The following ADAM22 variants were observed in gnomAD, a reference collection of about 807,000 sequenced individuals.
ADAM22 encodes ADAM metallopeptidase domain 22.
ADAM22 carries 65 observed loss-of-function variants against 144.6 expected under a neutral mutation model. That is an observed-to-expected ratio of 0.45 (90% CI 0.37 to 0.55). The LOEUF (loss-of-function observed/expected upper bound fraction) is 0.55. Ranked by LOEUF, ADAM22 falls within the 20% of genes least tolerant of loss-of-function variation. ADAM22 has a pLI of 0.00. For missense variants in ADAM22, 974 were observed against 1,184.9 expected (o/e 0.82, Z 2.61); for synonymous variants, 391 against 412.6 (o/e 0.95, Z 0.63).
chr7:88,125,548 G>A, intron 7 of ADAM22, 41 bp from the exon 8 acceptor site: 1 of 1,471,870 alleles, frequency 6.8e-7, no homozygotes, highest in Non-Finnish European at 9.4e-7. Flanking sequence ...GAAGAAATCT[G>A]ACAAATGCAC....
intron 4 of ADAM22, among the ~76,000 whole-genome samples, chr7:88,092,307 C>G (rs1033109628): frequency 1.3e-5 from 2 of 152,154 alleles, no homozygotes; most frequent in Non-Finnish European, 2.9e-5. Flanking sequence ...ACCCTCCGTT[C>G]CACAACATAC....
chr7:87,987,802 T>C (rs560443340), intron 3 of ADAM22, among the ~76,000 whole-genome samples: 1 of 152,336 alleles, frequency 6.6e-6, no homozygotes, highest in Non-Finnish European at 1.5e-5. Flanking sequence ...CTCTGAAATA[T>C]TTATCTCAGT....
At chr7:88,156,058 T>C (rs1015975455) in intron 22 of ADAM22, 52 bp downstream of exon 22, 2 of 1,601,910 alleles carry the variant, frequency 1.2e-6, no homozygotes, top group African/African-American at 1.3e-5. Flanking sequence ...TTCTCAGGAA[T>C]GCAGTTTAGG....
intron 2 of ADAM22, among the ~76,000 whole-genome samples, chr7:87,938,698 G>A (rs892460788): frequency 3.3e-5 from 5 of 151,996 alleles, no homozygotes; most frequent in African/African-American, 1.2e-4. Flanking sequence ...CAGGCTGGAT[G>A]GAGTGCAGCG....
At chr7:88,050,232 A>C (rs1383495843) in intron 3 of ADAM22, among the ~76,000 whole-genome samples, 2 of 150,360 alleles carry the variant, frequency 1.3e-5, no homozygotes, top group African/African-American at 4.9e-5. Context: ...AAAAAAAAAA[A>C]AAAAAAAAAA....
intron 4 of ADAM22, among the ~76,000 whole-genome samples, chr7:88,080,034 C>G (rs1474197311): frequency 6.6e-6 from 1 of 152,198 alleles, no homozygotes; most frequent in Non-Finnish European, 1.5e-5. Flanking sequence ...CTCAAATCAA[C>G]AGAATATACA....
At chr7:88,071,487 TA>T (rs1372582468) in intron 3 of ADAM22, among the ~76,000 whole-genome samples, 3 of 150,996 alleles carry the variant, frequency 2.0e-5, no homozygotes, top group African/African-American at 7.3e-5. Context: ...ACACAATTAG[TA>T]AATGGCAGAG....
chr7:88,034,720 T>C lies in ADAM22; in HGVS notation c.324-40906T>C, dbSNP rs150855747. On this transcript the variant is annotated intron_variant, in intron 3 of 31. Transcript: ENST00000413139. Reference sequence around the variant, plus strand: ...CAAACTCAAGTTCTGACCACTAGGATGGTCGATTCCCCTTTGGCTAGGGCT... The same window carrying C: ...CAAACTCAAGTTCTGACCACTAGGACGGTCGATTCCCCTTTGGCTAGGGCT... Among the ~76,000 whole-genome samples the C allele has an allele frequency of 9.2e-4, 140 of 152,292 alleles. 2 individuals are homozygous for C. Among genetic ancestry groups the C allele is most frequent in the African/African-American group, 3.3e-3 (137 of 41,570 alleles).
rs1482304396 is a variant in ADAM22, at chr7:88,165,915, T to C, written c.2160T>C (p.Asp720=). The change falls in exon 24 of 32, where the codon GAT becomes GAC. Residue 720 remains aspartate (D), a synonymous_variant. Coordinates refer to ENST00000413139, the MANE Select transcript of ADAM22 (RefSeq NM_001324418.2). Reference sequence around the variant, plus strand: ...ACACTTACTTCCCTCACAATGATGATGCAAAGACTGGTATCACTCTGTCTG... The same window carrying C: ...ACACTTACTTCCCTCACAATGATGACGCAAAGACTGGTATCACTCTGTCTG... ...DCNTYFPHND[D]AKTGITLSGN... 4 of 1,611,620 alleles carry C rather than the reference T, an allele frequency of 2.5e-6. No individual in the cohort carries two copies. Among genetic ancestry groups the C allele is most frequent in the Non-Finnish European group, 3.4e-6 (4 of 1,178,850 alleles).
Position 88,075,726 on chromosome 7 carries a change from G to C in ADAM22, c.390+34G>C, listed in dbSNP as rs372566903. The C allele has an allele frequency of 1.7e-5, 25 of 1,497,736 alleles. No individual in the cohort carries two copies. The African/African-American group carries it at 2.6e-4, about 16-fold the overall frequency. The allele number at this position is 1,497,736 out of a possible 1,614,324, so 92.8% of individuals were successfully genotyped here. A position where few individuals can be genotyped will look rare whatever the true frequency, so the allele number is the denominator to read the frequency against. ...AATTTTCCTACTTGTGGGGAAATTT[G>C]TTGAGAATCTTTTAATACTACTGAT... On this transcript the variant is annotated intron_variant, in intron 4 of 31. Coordinates refer to ENST00000413139, the MANE Select transcript of ADAM22 (RefSeq NM_001324418.2).
chr7:88,059,889 A>G (rs1714667180), intron 3 of ADAM22, among the ~76,000 whole-genome samples: 2 of 152,158 alleles, frequency 1.3e-5, no homozygotes, highest in Non-Finnish European at 2.9e-5. Context: ...ATGGGGACAA[A>G]CGTTGAAAAA....
At chr7:88,068,886 C>T (rs1223054356) in intron 3 of ADAM22, among the ~76,000 whole-genome samples, 1 of 152,134 alleles carries the variant, frequency 6.6e-6, no homozygotes, top group Non-Finnish European at 1.5e-5. Context: ...AAAATGGAAT[C>T]TGCAGATCTC....
intron 3 of ADAM22, among the ~76,000 whole-genome samples, chr7:88,020,592 C>T (rs535150051): frequency 2.5e-4 from 38 of 152,276 alleles, no homozygotes; most frequent in South Asian, 1.2e-3. Context: ...CCAAGGCACC[C>T]TGACAGTACC....
At chr7:88,066,228 G>A (rs1031850875) in intron 3 of ADAM22, among the ~76,000 whole-genome samples, 1 of 152,094 alleles carries the variant, frequency 6.6e-6, no homozygotes, top group Non-Finnish European at 1.5e-5. Flanking sequence ...AAGATAGCAT[G>A]GTGGCTCAGA....
intron 3 of ADAM22, among the ~76,000 whole-genome samples, chr7:88,071,038 G>A (rs1812614286): frequency 6.6e-6 from 1 of 152,116 alleles, no homozygotes; most frequent in African/African-American, 2.4e-5. Flanking sequence ...CATTCAAGAT[G>A]TTCTATTTCT....
intron 3 of ADAM22, among the ~76,000 whole-genome samples, chr7:88,028,138 T>C (rs979772347): frequency 6.6e-6 from 1 of 152,230 alleles, no homozygotes; most frequent in Non-Finnish European, 1.5e-5. Flanking sequence ...CCCTCCTTAG[T>C]ACTGCTTTTG....
chr7:87,949,651 G>T (rs926125775), intron 2 of ADAM22, among the ~76,000 whole-genome samples: 1 of 151,542 alleles, frequency 6.6e-6, no homozygotes, highest in Non-Finnish European at 1.5e-5. Flanking sequence ...TATTTTTAGG[G>T]TTTGATTTTT....
At chr7:88,083,695 G>C (rs148029884) in intron 4 of ADAM22, among the ~76,000 whole-genome samples, 1 of 149,238 alleles carries the variant, frequency 6.7e-6, no homozygotes, top group Non-Finnish European at 1.5e-5. Context: ...AATACCTCCT[G>C]TATACCTATA....
chr7:87,972,948 T>G (rs936277611), intron 2 of ADAM22, among the ~76,000 whole-genome samples: 2 of 152,248 alleles, frequency 1.3e-5, no homozygotes, highest in African/African-American at 4.8e-5. Flanking sequence ...TAATTCAAGA[T>G]GGATTAAAGA....
Sources: allele counts gnomAD v4.1 joint callset (sites outside exome capture counted in the v4.1 genomes callset), GRCh38; gene constraint gnomAD v4.1.1; transcripts MANE v1.5; gene names NCBI Gene and HGNC (gene_info 2026-07-23, HGNC 2026-07-21).